Variants in LRPPRC observed in about 807,000 individuals in gnomAD.
LRPPRC encodes the protein leucine rich pentatricopeptide repeat containing.
LRPPRC carries 120 observed loss-of-function variants against 180.3 expected under a neutral mutation model. That is an observed-to-expected ratio of 0.67 (90% confidence interval 0.57 to 0.77). LRPPRC has a LOEUF of 0.77. Among genes scored for constraint, LRPPRC ranks in the 30% least tolerant of loss-of-function variants. The pLI is 0.00. For synonymous variants in LRPPRC, 723 were observed against 600.0 expected (o/e 1.21, Z -3.00); for missense variants, 2,012 against 1,657.2 (o/e 1.21, Z -3.72).
chr2:43,938,895 CTATT>C (rs757349672), intron 23 of LRPPRC, among the ~76,000 whole-genome samples: 2 of 106,332 alleles, frequency 1.9e-5, no homozygotes, highest in Non-Finnish European at 4.1e-5. Context: ...TGACAACTAT[CTATT>C]TATCTATTAG....
At chr2:43,992,356 T>C (rs1015726610) in intron 1 of LRPPRC, among the ~76,000 whole-genome samples, 13 of 152,204 alleles carry the variant, frequency 8.5e-5, no homozygotes, top group African/African-American at 2.9e-4. Flanking sequence ...CAGGCAATCA[T>C]GCTCACTAGA....
At chr2:43,990,196 G>C (rs1046324493) in intron 1 of LRPPRC, among the ~76,000 whole-genome samples, 6 of 152,034 alleles carry the variant, frequency 3.9e-5, no homozygotes, top group African/African-American at 1.4e-4. Context: ...TCCAGCCTGG[G>C]TGGCAGAGCG....
intron 11 of LRPPRC, among the ~76,000 whole-genome samples, chr2:43,973,312 T>C (rs1409583206): frequency 2.0e-5 from 3 of 152,040 alleles, no homozygotes; most frequent in Admixed American, 1.3e-4. Flanking sequence ...ATATATAAAA[T>C]CAAGAACTAA....
intron 36 of LRPPRC, among the ~76,000 whole-genome samples, chr2:43,893,056 G>A (rs1181202167): frequency 2.6e-5 from 4 of 152,206 alleles, no homozygotes; most frequent in Admixed American, 1.3e-4. Flanking sequence ...CACTGCAGAT[G>A]TGGAAATAGC....
chr2:43,957,647 G>A (rs1419167938), intron 13 of LRPPRC, among the ~76,000 whole-genome samples, 196 bp from the exon 14 acceptor site: 2 of 152,028 alleles, frequency 1.3e-5, no homozygotes, highest in African/African-American at 2.4e-5. Context: ...CCCTTTTAAC[G>A]TATTTTTAAT....
intron 36 of LRPPRC, chr2:43,892,816 A>T (rs1385635945): frequency 2.0e-5 from 3 of 152,194 alleles, no homozygotes; most frequent in African/African-American, 7.2e-5. Context: ...TTAAAAAAAA[A>T]AAACATGTTT....
chr2:43,927,505 A>C (rs182066926), intron 25 of LRPPRC, among the ~76,000 whole-genome samples: 1 of 152,218 alleles, frequency 6.6e-6, no homozygotes, highest in Non-Finnish European at 1.5e-5. Flanking sequence ...ACTCAGGCAC[A>C]ATTTCTTCTC....
At chr2:43,903,945 G>C (rs1055138706) in intron 31 of LRPPRC, 1 of 152,118 alleles carries the variant, frequency 6.6e-6, no homozygotes, top group African/African-American at 2.4e-5. Flanking sequence ...AGGACATAAA[G>C]TCTTTTTTGG....
chr2:43,969,022 G>T (rs939228325), intron 11 of LRPPRC, among the ~76,000 whole-genome samples: 1 of 152,196 alleles, frequency 6.6e-6, no homozygotes, highest in Admixed American at 6.5e-5. Flanking sequence ...TATATAGTTT[G>T]TGTCAATTTT....
intron 16 of LRPPRC, 123 bp from the exon 17 acceptor site, chr2:43,948,641 C>A (rs1672786217): frequency 2.9e-6 from 2 of 693,706 alleles, no homozygotes. Context: ...TCTGAAATGG[C>A]AACAATGATC....
In LRPPRC at chr2:43,963,657, A is replaced by T; in HGVS notation, c.1419T>A (p.Asp473Glu). ...TCACATAATCTGTATATGTTTCCTGATCAGGATGTACTCCCAATTCTTGCA... is the reference window on the plus strand; with the variant it reads ...TCACATAATCTGTATATGTTTCCTGTTCAGGATGTACTCCCAATTCTTGCA... ...KGMQELGVHP[D>E]QETYTDYVIP... is the part of the protein sequence containing the mutation. The change falls in exon 12 of 38, where the codon GAT becomes GAA. Residue 473 changes from aspartate (D) to glutamate (E), a missense_variant. Coordinates refer to ENST00000260665, the MANE Select transcript of LRPPRC (RefSeq NM_133259.4). 1.2e-6 allele frequency: 2 copies of T among 1,611,910 alleles called. No homozygotes were observed. Among genetic ancestry groups the T allele is most frequent in the Non-Finnish European group, 1.7e-6 (2 of 1,178,116 alleles).
intron 23 of LRPPRC, among the ~76,000 whole-genome samples, chr2:43,939,529 C>A (rs991701850): frequency 2.0e-5 from 3 of 152,038 alleles, no homozygotes; most frequent in African/African-American, 7.2e-5. Context: ...AAACTGAACT[C>A]CTTAAAAACA....
At position 43,945,406 on chromosome 2, in the gene LRPPRC, T is replaced by C. The variant is rs1297945664; in HGVS notation, c.2222A>G (p.Asp741Gly). The change falls in exon 22 of 38, where the codon GAT (aspartate) becomes GGT (glycine). Residue 741 changes from aspartate (D) to glycine (G), a missense_variant. Asp to Gly is a moderately conservative substitution (Grantham distance 94). Transcript: ENST00000260665. ...GCCGGTGTCAAGGACAGCAGATGAA[T>C]CTAAGCGGTCACTAAAAATTAAAGC... Reference protein sequence around the residue: ...LNLKEEFDRLDSSAVLDTGKY... With the variant: ...LNLKEEFDRLGSSAVLDTGKY... The C allele has an allele frequency of 6.2e-7, 1 of 1,608,832 alleles. No homozygotes were observed. The highest frequency in any genetic ancestry group is 1.3e-5 in the African/African-American group (1 of 74,770).
intron 11 of LRPPRC, among the ~76,000 whole-genome samples, chr2:43,965,135 G>A (rs938845799): frequency 2.0e-5 from 3 of 152,180 alleles, no homozygotes; most frequent in Admixed American, 2.0e-4. Context: ...CTGGGTAGCT[G>A]GGATTAAAGG....
chr2:43,961,587 T>C (rs1274349153), intron 12 of LRPPRC, among the ~76,000 whole-genome samples: 1 of 152,238 alleles, frequency 6.6e-6, no homozygotes, highest in Non-Finnish European at 1.5e-5. Context: ...TTGTGTTCTC[T>C]AATTTATCAA....
rs1193770979 is a variant in LRPPRC, at chr2:43,977,199, C to T, written c.547G>A (p.Asp183Asn). 1.9e-6 allele frequency: 3 copies of T among 1,608,124 alleles called. No homozygotes were observed. The highest frequency in any genetic ancestry group is 2.6e-6 in the Non-Finnish European group (3 of 1,174,822). ...GCTTCCTCCATTTTTGCCAGGAAATCAGTTGGTGAGAATTTATATTCATTT... is the reference window on the plus strand; with the variant it reads ...GCTTCCTCCATTTTTGCCAGGAAATTAGTTGGTGAGAATTTATATTCATTT... ...LQNEYKFSPTDFLAKMEEANI... is the reference protein window; with the variant it reads ...LQNEYKFSPTNFLAKMEEANI... Residue 183 changes from aspartate (D) to asparagine (N), a missense_variant, in exon 4 of 38, where the codon GAT becomes AAT. Coordinates refer to ENST00000260665, the MANE Select transcript of LRPPRC (RefSeq NM_133259.4).
intron 1 of LRPPRC, among the ~76,000 whole-genome samples, chr2:43,991,048 G>C (rs1257092300): frequency 5.0e-5 from 5 of 100,180 alleles, no homozygotes; most frequent in Non-Finnish European, 1.2e-4. Flanking sequence ...TTTTTTTTTT[G>C]AGATGGGGTC....
intron 29 of LRPPRC, among the ~76,000 whole-genome samples, chr2:43,915,486 T>C (rs958552910): frequency 4.0e-5 from 6 of 151,628 alleles, no homozygotes; most frequent in Admixed American, 6.6e-5. Flanking sequence ...GAATTTGAGA[T>C]CAGCCTGGCC....
In LRPPRC at chr2:43,960,795, C is replaced by G. The variant is rs576425834; in HGVS notation, c.1489-161G>C. 2.0e-5 allele frequency among the ~76,000 whole-genome samples: 3 copies of G among 152,300 alleles called. No individual in the cohort carries two copies. The South Asian group carries it at 6.2e-4, about 32-fold the overall frequency. ...AATTTTAGCAAAAATTTAAAGATGA[C>G]ATTTCAGCATTCTAAGTTAAATGCT... On this transcript the variant is annotated intron_variant, in intron 12 of 37. Coordinates refer to ENST00000260665, the MANE Select transcript of LRPPRC (RefSeq NM_133259.4).
Sources: gnomAD v4.1 joint callset for allele counts (sites outside exome capture counted in the v4.1 genomes callset) on GRCh38, gnomAD v4.1.1 for gene constraint, MANE v1.5 for transcripts, NCBI Gene and HGNC (gene_info 2026-07-23, HGNC 2026-07-21) for gene names.